NEMF: variants seen among roughly 807,000 people sequenced by gnomAD.
The protein encoded by NEMF is ribosome quality control complex subunit NEMF.
A neutral mutation model predicts 162.2 loss-of-function variants in NEMF; 89 were observed. The observed-to-expected ratio is 0.55, with a 90% CI of 0.46 to 0.65. The LOEUF (loss-of-function observed/expected upper bound fraction) is 0.65, where lower values mean the gene tolerates loss of function less well. Ranked by LOEUF, NEMF falls within the 30% of genes least tolerant of loss-of-function variation. The pLI is 0.00. For missense variants in NEMF, 1,133 were observed against 1,261.9 expected (o/e 0.90, Z 1.55); for synonymous variants, 421 against 404.5 (o/e 1.04, Z -0.49).
chr14:49,850,379 C>T lies in NEMF; in HGVS notation c.231+1184G>A, dbSNP rs116934915. ...TTGGAATTACAGGCATGAGCCACCG[C>T]ACCTGGTCTGTTTTAGGTGTTTTAT... On this transcript the variant is annotated intron_variant, in intron 3 of 32. Transcript: ENST00000298310. 7.5e-3 allele frequency among the ~76,000 whole-genome samples: 1,147 copies of T among 152,282 alleles called. 6 individuals carry two copies. Among genetic ancestry groups the T allele is most frequent in the Non-Finnish European group, 0.011 (755 of 68,020 alleles).
Position 49,783,443 on chromosome 14 carries a change from T to C in NEMF, c.*1193A>G, listed in dbSNP as rs2139808742. ...CAAAGTGTGGAGGGACCAACAACTG[T>C]TCAGTACTTTGACCTTAATGCTTCA... On this transcript the variant is annotated 3_prime_UTR_variant, in exon 33 of 33. Coordinates refer to ENST00000298310, the MANE Select transcript of NEMF (RefSeq NM_004713.6). 1 of 152,348 alleles carries C rather than the reference T, an allele frequency of 6.6e-6. No individual in the cohort carries two copies. 9.4% of individuals were successfully genotyped at this position (152,348 alleles called of 1,614,324 possible).
chr14:49,799,440 C>T, intron 25 of NEMF, 35 bp downstream of exon 25: 1 of 1,540,828 alleles, frequency 6.5e-7, no homozygotes, highest in South Asian at 1.2e-5. Context: ...AAAAGAAAAA[C>T]ATGCTTTTTA....
In NEMF at chr14:49,797,835, G is replaced by T. The variant is rs527865265; in HGVS notation, c.2465+1640C>A. On this transcript the variant is annotated intron_variant, in intron 25 of 32. Transcript: ENST00000298310. ...TAACATCATTTCATTCAACATCATT[G>T]TGTTATAACTTTGATGAGAACAAAA... 2.8e-4 allele frequency among the ~76,000 whole-genome samples: 43 copies of T among 152,232 alleles called. No individual in the cohort carries two copies. In the Middle Eastern group the frequency reaches 0.01, roughly 36 times the overall value.
intron 11 of NEMF, among the ~76,000 whole-genome samples, chr14:49,830,502 T>C (rs1211352018): frequency 1.3e-5 from 2 of 152,176 alleles, no homozygotes; most frequent in Non-Finnish European, 2.9e-5. Context: ...CAAACAATTT[T>C]TGTGCCTCAG....
chr14:49,822,586 T>C (rs2139939690), intron 16 of NEMF, among the ~76,000 whole-genome samples: 1 of 144,484 alleles, frequency 6.9e-6, no homozygotes, highest in South Asian at 2.2e-4. Flanking sequence ...TCCCAGCACT[T>C]TGGGAGGCTG....
chr14:49,828,005 A>G (rs184443489), intron 15 of NEMF, among the ~76,000 whole-genome samples: 284 of 152,272 alleles, frequency 1.9e-3, no homozygotes, highest in African/African-American at 6.6e-3. Flanking sequence ...GAACCAAAGG[A>G]TTTACTGATG....
chr14:49,836,319 C>T (rs1460654357), intron 6 of NEMF, among the ~76,000 whole-genome samples: 2 of 151,910 alleles, frequency 1.3e-5, no homozygotes, highest in South Asian at 4.2e-4. Context: ...TCCTATGAGG[C>T]TTTTTTCATA....
rs761882952 is a variant in NEMF at position 49,832,063 on chromosome 14, T to A, written c.870A>T (p.Glu290Asp). Reference sequence around the variant, plus strand: ...ACGGAAAACCCACCTTGTCAAATGATTCAAATTCTATATATGGACATTGTG... The same window carrying A: ...ACGGAAAACCCACCTTGTCAAATGAATCAAATTCTATATATGGACATTGTG... ...QHSQCPYIEF[E>D]SFDKAVDEFY... is the part of the protein sequence containing the mutation. The change falls in exon 10 of 33, where the codon GAA (glutamate) becomes GAT (aspartate). Residue 290 changes from glutamate to aspartate, a missense_variant. Around this residue, in one of 3 missense-constraint regions of NEMF, gnomAD observed 582 missense variants for 631.5 expected, o/e 0.92. Coordinates refer to ENST00000298310, the MANE Select transcript of NEMF (RefSeq NM_004713.6). 2 of 1,601,510 alleles carry A rather than the reference T, an allele frequency of 1.2e-6. No individual in the cohort carries two copies. Among genetic ancestry groups the A allele is most frequent in the Admixed American group, 1.8e-5 (1 of 56,784 alleles).
chr14:49,804,468 G>A (rs1481672652), intron 19 of NEMF, among the ~76,000 whole-genome samples: 2 of 151,418 alleles, frequency 1.3e-5, no homozygotes, highest in East Asian at 4.0e-4. Context: ...GTGAGGTCAG[G>A]AGTTCAAGAC....
At chr14:49,846,081 C>G (rs1893485689) in intron 4 of NEMF, 59 bp downstream of exon 4, 1 of 1,489,240 alleles carries the variant, frequency 6.7e-7, no homozygotes, top group Non-Finnish European at 9.3e-7. Context: ...TTATATAGCA[C>G]TATTACAAAA....
chr14:49,838,681 T>C (rs1594797531), intron 5 of NEMF, among the ~76,000 whole-genome samples: 1 of 150,662 alleles, frequency 6.6e-6, no homozygotes, highest in Non-Finnish European at 1.5e-5. Context: ...GCCTCCTGGG[T>C]TCACGCCATT....
intron 22 of NEMF, 58 bp downstream of exon 22, chr14:49,802,395 A>C: frequency 1.3e-6 from 2 of 1,571,394 alleles, no homozygotes; most frequent in Non-Finnish European, 1.7e-6. Context: ...AAGGATTTAG[A>C]AGCAAAACTA....
chr14:49,798,050 T>C (rs1167125868), intron 25 of NEMF, among the ~76,000 whole-genome samples: 1 of 152,172 alleles, frequency 6.6e-6, no homozygotes, highest in Non-Finnish European at 1.5e-5. Flanking sequence ...TGACATCCTG[T>C]TCTAGGTTGG....
intron 28 of NEMF, among the ~76,000 whole-genome samples, chr14:49,787,400 C>A (rs1385726185): frequency 6.6e-6 from 1 of 152,180 alleles, no homozygotes; most frequent in Admixed American, 6.5e-5. Flanking sequence ...AAGATGGTAC[C>A]TTAGGCTGGG....
chr14:49,834,300 C>A, intron 7 of NEMF, 63 bp downstream of exon 7: 1 of 1,166,694 alleles, frequency 8.6e-7, no homozygotes, highest in South Asian at 1.3e-5. Context: ...ATTACTTTCC[C>A]AGAAAAAATT....
chr14:49,800,912 A>C (rs1174868637), intron 22 of NEMF: 1 of 481,612 alleles, frequency 2.1e-6, no homozygotes, highest in Non-Finnish European at 3.6e-6. Flanking sequence ...CTTTACCACA[A>C]TAAATTTCTT....
At chr14:49,843,881 C>A (rs953383576) in intron 4 of NEMF, among the ~76,000 whole-genome samples, 1 of 152,166 alleles carries the variant, frequency 6.6e-6, no homozygotes, top group African/African-American at 2.4e-5. Flanking sequence ...AGCAGATCAC[C>A]TGAGGTCAGG....
At position 49,845,208 on chromosome 14, in the gene NEMF, T is replaced by C. The variant is rs180864918; in HGVS notation, c.357+932A>G. On this transcript the variant is annotated intron_variant, in intron 4 of 32. Transcript: ENST00000298310. The stretch of plus-strand genomic sequence containing the variant: ...CCCAGGTTCAAGTGATTCTCCTGCC[T>C]CAGCCTCCCGAGTAGCTGGGATTAT... Among the ~76,000 whole-genome samples, 559 of 152,216 alleles carry C rather than the reference T, an allele frequency of 3.7e-3. 1 individual carries two copies. Among genetic ancestry groups the C allele is most frequent in the African/African-American group, 0.011 (462 of 41,544 alleles).
In NEMF at chr14:49,833,485, C is replaced by T. The variant is rs762256442; in HGVS notation, c.673G>A (p.Val225Ile). The change falls in exon 8 of 33, where the codon GTA becomes ATA. Residue 225 changes from valine to isoleucine, a missense_variant. Val to Ile is a conservative substitution (Grantham distance 29). Around this residue, in one of 3 missense-constraint regions of NEMF, gnomAD observed 582 missense variants for 631.5 expected, o/e 0.92. Transcript: ENST00000298310. The part of the protein sequence containing the change: ...EKLETKDIEK[V>I]LVSLQKAEDY... ...TCTGCTTTCTGCAGAGAAACAAGTA[C>T]TTTTTCAATATCTAATGGTGGGGGA... 9 of 1,575,422 alleles carry T rather than the reference C, an allele frequency of 5.7e-6. No homozygotes were observed. In the East Asian group the frequency reaches 1.8e-4, roughly 31 times the overall value.
Sources: gnomAD v4.1 joint callset for allele counts (sites outside exome capture counted in the v4.1 genomes callset) on GRCh38, gnomAD v4.1.1 for gene constraint, gnomAD v4.1.1 regional missense constraint, MANE v1.5 for transcripts, NCBI Gene and HGNC (gene_info 2026-07-23, HGNC 2026-07-21) for gene names.